RPL19: variants seen among roughly 807,000 people sequenced by gnomAD.
RPL19 encodes the protein ribosomal protein L19.
Under a neutral mutation model 25.1 loss-of-function variants are expected in RPL19, and 2 were observed. The observed-to-expected ratio is 0.08, with a 90% CI of 0.03 to 0.25. RPL19 has a LOEUF of 0.25. Among genes scored for constraint, RPL19 ranks in the 10% least tolerant of loss-of-function variants. The probability of loss-of-function intolerance (pLI) is 1.00; values close to 1 mark genes in which losing one functional copy is unlikely to be tolerated. For missense variants in RPL19, 123 were observed against 271.8 expected (o/e 0.45, Z 3.85); for synonymous variants, 89 against 91.2 (o/e 0.98, Z 0.14).
Position 39,202,330 on chromosome 17 carries a change from G to T in RPL19, c.126G>T (p.Arg42=). Residue 42 remains arginine, a synonymous_variant, in exon 3 of 6, where the codon CGG becomes CGT. Coordinates refer to ENST00000225430, the MANE Select transcript of RPL19 (RefSeq NM_000981.4). ...ATGCTTTCCCAGGTCAGCAGATCCG[G>T]AAGCTCATCAAAGATGGGCTGATCA... ...IANANSRQQI[R]KLIKDGLIIR... The T allele has an allele frequency of 6.2e-7, 1 of 1,613,922 alleles. No homozygotes were observed. The highest frequency in any genetic ancestry group is 1.1e-5 in the South Asian group (1 of 91,072).
intron 5 of RPL19, 63 bp downstream of exon 5, chr17:39,204,250 C>T: frequency 1.8e-6 from 2 of 1,097,730 alleles, no homozygotes; most frequent in Non-Finnish European, 1.4e-6. Context: ...TTCTTAGATA[C>T]TTAAAATGTG....
At chr17:39,200,728 C>T (rs779795917) in intron 1 of RPL19, 48 of 1,063,466 alleles carry the variant, frequency 4.5e-5, no homozygotes, top group Non-Finnish European at 5.5e-5. Flanking sequence ...CCCCAGGCCT[C>T]CGACTGCCGA....
Position 39,200,341 on chromosome 17 carries a change from A to G in RPL19, c.-4A>G, listed in dbSNP as rs1257556946. On this transcript the variant is annotated 5_prime_UTR_variant, in exon 1 of 6. Coordinates refer to ENST00000225430, the MANE Select transcript of RPL19 (RefSeq NM_000981.4). ...TCTTTCCTTTCGCTGCTGCGGCCGC[A>G]GCCATGAGGTGAGGGCGAGCTGGTC... is the stretch of plus-strand genomic sequence containing the variant. The G allele has an allele frequency of 2.6e-6, 4 of 1,561,984 alleles. No individual in the cohort carries two copies. The highest frequency in any genetic ancestry group is 1.2e-5 in the South Asian group (1 of 84,332).
At chr17:39,202,255 AT>A in intron 2 of RPL19, 61 bp from the exon 3 acceptor site, 2 of 1,606,700 alleles carry the variant, frequency 1.2e-6, no homozygotes, top group Non-Finnish European at 1.7e-6. Flanking sequence ...GGCCTGGCCT[AT>A]TTGGACTCTG....
chr17:39,200,310 G>A lies in RPL19; in HGVS notation c.-35G>A, dbSNP rs540397028. 78 of 1,537,762 alleles carry A rather than the reference G, an allele frequency of 5.1e-5. No individual in the cohort carries two copies. In the East Asian group the frequency reaches 7.8e-4, roughly 15 times the overall value. ...AGATAATGGGAGGAGCCGGGCCCGA[G>A]CGAGCTCTTTCCTTTCGCTGCTGCG... On this transcript the variant is annotated 5_prime_UTR_variant, in exon 1 of 6. Coordinates refer to ENST00000225430, the MANE Select transcript of RPL19 (RefSeq NM_000981.4).
rs1259264701 is a variant in RPL19, at chr17:39,201,328, C to G, written c.112+9C>G. 5.4e-6 allele frequency: 8 copies of G among 1,486,206 alleles called. No individual in the cohort carries two copies. The highest frequency in any genetic ancestry group is 7.5e-6 in the Non-Finnish European group (8 of 1,063,886). The allele number at this position is 1,486,206 out of a possible 1,614,324, so 92.1% of individuals were successfully genotyped here. ...CGCCAATGCCAACTCCCGTGAGTACCTGGGATCTGTCTCTTCACCCTACTT... is the reference window on the plus strand; with the variant it reads ...CGCCAATGCCAACTCCCGTGAGTACGTGGGATCTGTCTCTTCACCCTACTT... On this transcript the variant is annotated intron_variant, in intron 2 of 5. Transcript: ENST00000225430.
At chr17:39,201,160 A>G (rs1318183343) in intron 1 of RPL19, 53 bp from the exon 2 acceptor site, 3 of 1,251,654 alleles carry the variant, frequency 2.4e-6, no homozygotes, top group Admixed American at 1.9e-5. Context: ...GGGGACGTTC[A>G]TTCTTGCCCA....
chr17:39,203,749 C>G (rs1271340779), intron 4 of RPL19, among the ~76,000 whole-genome samples: 2 of 152,028 alleles, frequency 1.3e-5, no homozygotes, highest in South Asian at 2.1e-4. Flanking sequence ...TCAAGTGATC[C>G]GCCCGCCTCA....
At chr17:39,204,283 C>G (rs2144212322) in intron 5 of RPL19, 96 bp downstream of exon 5, 5 of 890,120 alleles carry the variant, frequency 5.6e-6, no homozygotes, top group Non-Finnish European at 7.4e-6. Context: ...TCTTGACTTG[C>G]ACGTAGTCTG....
At chr17:39,200,726 C>G in intron 1 of RPL19, 3 of 1,065,004 alleles carry the variant, frequency 2.8e-6, no homozygotes, top group Non-Finnish European at 3.4e-6. Context: ...GGCCCCAGGC[C>G]TCCGACTGCC....
chr17:39,201,390 A>C, intron 2 of RPL19, 71 bp downstream of exon 2: 1 of 901,708 alleles, frequency 1.1e-6, no homozygotes. Flanking sequence ...TGATAACACA[A>C]TTGTGTTGAC....
At position 39,202,302 on chromosome 17, in the gene RPL19, A is replaced by G; in HGVS notation, c.113-15A>G. On this transcript the variant is annotated splice_polypyrimidine_tract_variant and intron_variant, in intron 2 of 5. Coordinates refer to ENST00000225430, the MANE Select transcript of RPL19 (RefSeq NM_000981.4). ...GGGCCCCAGTTGACTGACCAGGTGC[A>G]TTATGCTTTCCCAGGTCAGCAGATC... 1 of 1,612,980 alleles carries G rather than the reference A, an allele frequency of 6.2e-7. No individual in the cohort carries two copies. Among genetic ancestry groups the G allele is most frequent in the Non-Finnish European group, 8.5e-7 (1 of 1,179,846 alleles).
rs1419616659 is a variant in RPL19 at position 39,204,427 on chromosome 17, C to A, written c.468-98C>A. On this transcript the variant is annotated intron_variant, in intron 5 of 5. Coordinates refer to ENST00000225430, the MANE Select transcript of RPL19 (RefSeq NM_000981.4). The stretch of plus-strand genomic sequence containing the variant: ...TGGGCCCAGCAACTCATTCCAGAAG[C>A]TGACTAGGCTCAAAGGGAGAGGTCT... The A allele has an allele frequency of 4.1e-6, 6 of 1,451,864 alleles. No individual in the cohort carries two copies. The African/African-American group carries it at 4.3e-5, about 10-fold the overall frequency. The allele number at this position is 1,451,864 out of a possible 1,614,324, so 89.9% of individuals were successfully genotyped here. A position where few individuals can be genotyped will look rare whatever the true frequency, so the allele number is the denominator to read the frequency against.
chr17:39,202,657 T>TA (rs1287598812), intron 3 of RPL19: 4 of 619,070 alleles, frequency 6.5e-6, no homozygotes, highest in Non-Finnish European at 1.1e-5. Context: ...CTACCTACAC[T>TA]ATGCCAAGGA....
rs989080352 is a variant in RPL19, at chr17:39,200,697, G to A, written c.5+348G>A. Reference sequence around the variant, plus strand: ...GAGCCGATCTCTGCTTTCACGTGATGTAGGGCAAGCCTAGTGTAGGCCCCA... The same window carrying A: ...GAGCCGATCTCTGCTTTCACGTGATATAGGGCAAGCCTAGTGTAGGCCCCA... On this transcript the variant is annotated intron_variant, in intron 1 of 5. Transcript: ENST00000225430. 4.2e-5 allele frequency: 46 copies of A among 1,098,796 alleles called. No homozygotes were observed. In the African/African-American group the frequency reaches 7.5e-4, roughly 18 times the overall value. The allele number at this position is 1,098,796 out of a possible 1,614,324, so 68.1% of individuals were successfully genotyped here.
chr17:39,204,211 G>GAATGTTCCCCTAAGACTCT, intron 5 of RPL19, 24 bp downstream of exon 5: 1 of 1,401,884 alleles, frequency 7.1e-7, no homozygotes, highest in Non-Finnish European at 1.0e-6. Context: ...CAGAGTCTTA[G>GAATGTTCCCCTAAGACTCT]GGGAACATTC....
chr17:39,204,282 G>T (rs2046309833), intron 5 of RPL19, 95 bp downstream of exon 5: 2 of 895,168 alleles, frequency 2.2e-6, no homozygotes, highest in Admixed American at 3.9e-5. Flanking sequence ...GTCTTGACTT[G>T]CACGTAGTCT....
chr17:39,202,610 A>G, intron 3 of RPL19, 171 bp downstream of exon 3: 1 of 786,640 alleles, frequency 1.3e-6, no homozygotes, highest in Non-Finnish European at 2.0e-6. Flanking sequence ...ATTGGAATTG[A>G]GAGTATCCCT....
chr17:39,201,394 T>G, intron 2 of RPL19, 75 bp downstream of exon 2: 14 of 853,994 alleles, frequency 1.6e-5, no homozygotes, highest in Non-Finnish European at 2.4e-5. Context: ...AACACAATTG[T>G]GTTGACTTTT....
Sources: allele counts gnomAD v4.1 joint callset (sites outside exome capture counted in the v4.1 genomes callset), GRCh38; gene constraint gnomAD v4.1.1; transcripts MANE v1.5; gene names NCBI Gene and HGNC (gene_info 2026-07-23, HGNC 2026-07-21).